Variants in CFHR4 observed in about 807,000 individuals in gnomAD.
CFHR4 encodes complement factor H-related protein 4.
In CFHR4, 64 loss-of-function variants were observed where a neutral mutation model predicts 69.3. The observed-to-expected ratio is 0.92, with a 90% CI of 0.76 to 1.14. The LOEUF is 1.14. CFHR4 is among the 50% of genes most tolerant of loss of function. CFHR4 has a pLI of 0.00. For synonymous variants in CFHR4, 244 were observed against 237.0 expected (o/e 1.03, Z -0.27); for missense variants, 636 against 684.9 (o/e 0.93, Z 0.80).
chr1:196,893,033 G>C (rs1372810297), intron 1 of CFHR4, among the ~76,000 whole-genome samples: 1 of 151,526 alleles, frequency 6.6e-6, no homozygotes, highest in Non-Finnish European at 1.5e-5. Flanking sequence ...ATAAGGAAAT[G>C]GTGTTTTTCA....
chr1:196,916,396 A>T (rs1658634165), intron 9 of CFHR4, among the ~76,000 whole-genome samples: 1 of 151,936 alleles, frequency 6.6e-6, no homozygotes, highest in Admixed American at 6.6e-5. Context: ...TAAGTAAAGG[A>T]TGATACAAGC....
intron 1 of CFHR4, among the ~76,000 whole-genome samples, chr1:196,893,721 T>C (rs1201969517): frequency 6.6e-6 from 1 of 151,570 alleles, no homozygotes; most frequent in Non-Finnish European, 1.5e-5. Flanking sequence ...GTTTGGCTGA[T>C]GGTATGTGTA....
intron 7 of CFHR4, 73 bp downstream of exon 7, chr1:196,912,995 T>C: frequency 1.9e-6 from 3 of 1,600,732 alleles, no homozygotes; most frequent in Non-Finnish European, 2.6e-6. Flanking sequence ...GTGTTTTACT[T>C]AAAAATATAG....
intron 2 of CFHR4, among the ~76,000 whole-genome samples, chr1:196,903,165 G>A (rs1286382653): frequency 6.6e-6 from 1 of 151,288 alleles, no homozygotes; most frequent in Non-Finnish European, 1.5e-5. Flanking sequence ...TGAGATCCCA[G>A]TATGTCCGTA....
At position 196,910,381 on chromosome 1, in the gene CFHR4, C is replaced by G; in HGVS notation, c.900C>G (p.Ser300=). The G allele has an allele frequency of 6.2e-7, 1 of 1,611,954 alleles. No homozygotes were observed. The highest frequency in any genetic ancestry group is 8.5e-7 in the Non-Finnish European group (1 of 1,178,942). Residue 300 remains serine, a synonymous_variant, in exon 6 of 10, where the codon TCC becomes TCG. Coordinates refer to ENST00000608469, the MANE Select transcript of CFHR4 (RefSeq NM_001201550.3). Reference sequence around the variant, plus strand: ...CAGTAGCTACAGGACAATCTTACTCCTATTACTGTGACCAAAATTTTGTGA... The same window carrying G: ...CAGTAGCTACAGGACAATCTTACTCGTATTACTGTGACCAAAATTTTGTGA... ...YFPVATGQSY[S]YYCDQNFVTP...
rs1430516700 is a variant in CFHR4 at position 196,915,849 on chromosome 1, T to C, written c.1540+711T>C. Among the ~76,000 whole-genome samples, 3 of 151,388 alleles carry C rather than the reference T, an allele frequency of 2.0e-5. No homozygotes were observed. In the East Asian group the frequency reaches 5.8e-4, roughly 29 times the overall value. On this transcript the variant is annotated intron_variant, in intron 9 of 9. Transcript: ENST00000608469. Reference sequence around the variant, plus strand: ...CATTTTCACATTATTAACACTGAGGTAGAGTTTTCAAACAGTTATGAAAAC... The same window carrying C: ...CATTTTCACATTATTAACACTGAGGCAGAGTTTTCAAACAGTTATGAAAAC...
intron 7 of CFHR4, 117 bp from the exon 8 acceptor site, chr1:196,914,378 T>C: frequency 2.0e-6 from 2 of 987,748 alleles, no homozygotes; most frequent in Non-Finnish European, 2.8e-6. Context: ...TTTTTAATAG[T>C]ACTCAATTTA....
In CFHR4 at chr1:196,914,820, A is replaced by C. The variant is rs892360737; in HGVS notation, c.1358-136A>C. ...AATTATCTTGAGACTTAAAAAAAAA[A>C]AAAACAACGTTGAAAATGCAGATGT... On this transcript the variant is annotated intron_variant, in intron 8 of 9. Coordinates refer to ENST00000608469, the MANE Select transcript of CFHR4 (RefSeq NM_001201550.3). 1.5e-4 allele frequency: 224 copies of C among 1,507,678 alleles called. 2 individuals are homozygous for C. Among genetic ancestry groups the C allele is most frequent in the Non-Finnish European group, 1.9e-4 (213 of 1,132,016 alleles). The allele number at this position is 1,507,678 out of a possible 1,614,324, so 93.4% of individuals were successfully genotyped here. A position where few individuals can be genotyped will look rare whatever the true frequency, so the allele number is the denominator to read the frequency against.
chr1:196,906,725 G>T, intron 3 of CFHR4, 136 bp from the exon 4 acceptor site: 1 of 853,962 alleles, frequency 1.2e-6, no homozygotes, highest in Non-Finnish European at 1.7e-6. Context: ...AACACTGATT[G>T]TCGGACTATT....
intron 2 of CFHR4, among the ~76,000 whole-genome samples, chr1:196,904,502 A>G (rs1315782902): frequency 2.6e-5 from 4 of 151,714 alleles, no homozygotes; most frequent in Admixed American, 6.6e-5. Context: ...TAATGTATAG[A>G]ACACATACAT....
chr1:196,898,609 T>C lies in CFHR4; in HGVS notation c.59-3809T>C, dbSNP rs184812199. On this transcript the variant is annotated intron_variant, in intron 1 of 9. Coordinates refer to ENST00000608469, the MANE Select transcript of CFHR4 (RefSeq NM_001201550.3). Reference sequence around the variant, plus strand: ...GAGACTAGCACCCTCTAAAGCCTAGTATATTAGTTATGTATGGTTGTGAAA... The same window carrying C: ...GAGACTAGCACCCTCTAAAGCCTAGCATATTAGTTATGTATGGTTGTGAAA... Among the ~76,000 whole-genome samples, 22 of 151,748 alleles carry C rather than the reference T, an allele frequency of 1.4e-4. 3 individuals carry two copies. Among genetic ancestry groups the C allele is most frequent in the African/African-American group, 4.9e-4 (20 of 41,218 alleles).
Position 196,918,296 on chromosome 1 carries a change from G to T in CFHR4, c.1627G>T (p.Gly543Trp). Residue 543 changes from glycine (G) to tryptophan (W), a missense_variant, in exon 10 of 10, where the codon GGG (glycine) becomes TGG (tryptophan). Physicochemically the swap from Gly to Trp is radical, Grantham distance 184 (BLOSUM62 -2). This residue lies in a region of CFHR4 where 85 missense variants were observed against 79.0 expected (regional missense o/e 1.08). Transcript: ENST00000608469. ...TGACATAAAATATTATGCAAAAACAGGGGATACCATTGAATTTATGTGTAA... is the reference window on the plus strand; with the variant it reads ...TGACATAAAATATTATGCAAAAACATGGGATACCATTGAATTTATGTGTAA... ...KSDIKYYAKT[G>W]DTIEFMCKLG... The T allele has an allele frequency of 6.2e-7, 1 of 1,609,974 alleles. No individual in the cohort carries two copies. The highest frequency in any genetic ancestry group is 2.2e-5 in the East Asian group (1 of 44,668).
At chr1:196,901,734 A>T (rs1261763894) in intron 1 of CFHR4, among the ~76,000 whole-genome samples, 1 of 151,476 alleles carries the variant, frequency 6.6e-6, no homozygotes, top group East Asian at 1.9e-4. Context: ...ATTCCTCAAT[A>T]AACTGTAAAT....
At chr1:196,913,987 T>C (rs1658430195) in intron 7 of CFHR4, among the ~76,000 whole-genome samples, 2 of 151,540 alleles carry the variant, frequency 1.3e-5, no homozygotes, top group Non-Finnish European at 2.9e-5. Context: ...TACTCAGCTT[T>C]GATAAATGAT....
intron 5 of CFHR4, among the ~76,000 whole-genome samples, chr1:196,907,762 ATCCATTTATTGCACACATAT>A (rs1657994308): frequency 6.6e-6 from 1 of 151,474 alleles, no homozygotes; most frequent in African/African-American, 2.4e-5. Flanking sequence ...CAAGAATGAT[ATCCATTTATTGCACACATAT>A]GAAATACAGC....
rs751446117 is a variant in CFHR4, at chr1:196,905,227, G to A, written c.376G>A (p.Gly126Arg). 1 of 1,611,254 alleles carries A rather than the reference G, an allele frequency of 6.2e-7. No homozygotes were observed. Among genetic ancestry groups the A allele is most frequent in the Non-Finnish European group, 8.5e-7 (1 of 1,178,810 alleles). Reference protein sequence around the residue: ...NCKPGYATAEGNSSGSITCLQ... With the variant: ...NCKPGYATAERNSSGSITCLQ... Reference sequence around the variant, plus strand: ...TAAACCAGGATATGCAACAGCAGAGGGAAATTCTTCAGGATCAATTACATG... The same window carrying A: ...TAAACCAGGATATGCAACAGCAGAGAGAAATTCTTCAGGATCAATTACATG... The change falls in exon 3 of 10, where the codon GGA becomes AGA. Residue 126 changes from glycine to arginine, a missense_variant. Transcript: ENST00000608469.
At chr1:196,893,046 G>T (rs1452089980) in intron 1 of CFHR4, among the ~76,000 whole-genome samples, 1 of 151,540 alleles carries the variant, frequency 6.6e-6, no homozygotes, top group Non-Finnish European at 1.5e-5. Context: ...GTTTTTCAGT[G>T]TCAACAAATT....
Position 196,902,524 on chromosome 1 carries a change from C to T in CFHR4, c.165C>T (p.Tyr55=), listed in dbSNP as rs1571427935. The T allele has an allele frequency of 1.2e-6, 2 of 1,611,444 alleles. No individual in the cohort carries two copies. The highest frequency in any genetic ancestry group is 2.7e-5 in the African/African-American group (2 of 74,412). ...CTGCAGGACAATCTTATTCCTATTA[C>T]TGTGATCAAAATTTTGTGACTCCTT... ...PAAAGQSYSY[Y]CDQNFVTPSG... is the part of the protein sequence containing the mutation. The change falls in exon 2 of 10, where the codon TAC becomes TAT. Residue 55 remains tyrosine (Y), a synonymous_variant. Coordinates refer to ENST00000608469, the MANE Select transcript of CFHR4 (RefSeq NM_001201550.3).
At chr1:196,916,859 A>G (rs548994751) in intron 9 of CFHR4, among the ~76,000 whole-genome samples, 1 of 151,652 alleles carries the variant, frequency 6.6e-6, no homozygotes, top group South Asian at 2.1e-4. Flanking sequence ...CTTCAAAACT[A>G]AAGAAGCAAA....
Sources: allele counts gnomAD v4.1 joint callset (sites outside exome capture counted in the v4.1 genomes callset), GRCh38; gene constraint gnomAD v4.1.1; regional missense constraint gnomAD v4.1.1; transcripts MANE v1.5; gene names NCBI Gene and HGNC (gene_info 2026-07-23, HGNC 2026-07-21).